The following SLC44A3 variants were observed in gnomAD, a reference collection of about 807,000 sequenced individuals.
SLC44A3 encodes choline transporter-like protein 3.
Under a neutral mutation model 75.4 loss-of-function variants are expected in SLC44A3, and 74 were observed. That is an observed-to-expected ratio of 0.98 (90% CI 0.81 to 1.19). The LOEUF is 1.19. SLC44A3 is among the 50% of genes most tolerant of loss of function. The pLI, the probability that SLC44A3 is intolerant of heterozygous loss-of-function variation, is 0.00. For missense variants in SLC44A3, 700 were observed against 778.6 expected (o/e 0.90, Z 1.20); for synonymous variants, 310 against 296.9 (o/e 1.04, Z -0.45).
chr1:94,820,701 G>T (rs1210784397), intron 1 of SLC44A3: 3 of 1,382,858 alleles, frequency 2.2e-6, no homozygotes, highest in Non-Finnish European at 2.8e-6. Flanking sequence ...CAAACTTGGG[G>T]TCGTCCTCAG....
At chr1:94,871,048 T>C (rs1413216646) in intron 12 of SLC44A3, among the ~76,000 whole-genome samples, 1 of 152,152 alleles carries the variant, frequency 6.6e-6, no homozygotes, top group Non-Finnish European at 1.5e-5. Flanking sequence ...AGGAGGCACA[T>C]AGTGGCAGAA....
At chr1:94,891,411 A>C (rs1670193575) in intron 13 of SLC44A3, 144 bp downstream of exon 13, 3 of 878,696 alleles carry the variant, frequency 3.4e-6, no homozygotes, top group East Asian at 2.5e-5. Flanking sequence ...CCTCAATCCC[A>C]TGAGGTATCC....
intron 9 of SLC44A3, among the ~76,000 whole-genome samples, chr1:94,846,972 T>C (rs890486863): frequency 1.3e-5 from 2 of 152,244 alleles, no homozygotes; most frequent in African/African-American, 4.8e-5. Flanking sequence ...CTGGAAGGCA[T>C]GGCCCTTGGA....
At position 94,821,489 on chromosome 1, in the gene SLC44A3, A is replaced by G. The variant is rs116941232; in HGVS notation, c.135+433A>G. Among the ~76,000 whole-genome samples the G allele has an allele frequency of 6.5e-4, 99 of 152,268 alleles. No individual in the cohort carries two copies. The East Asian group carries it at 8.1e-3, about 12-fold the overall frequency. ...TCCTTTAGCTGAACATCACACACAC[A>G]CGCGCGCGAGAGATATGTTGTGTTT... On this transcript the variant is annotated intron_variant, in intron 2 of 14. Coordinates refer to ENST00000271227, the MANE Select transcript of SLC44A3 (RefSeq NM_001114106.3).
rs759055942 is a variant in SLC44A3 at position 94,888,906 on chromosome 1, T to C, written c.1483-2224T>C. Reference sequence around the variant, plus strand: ...CACCACGACTGGCTATATATATATATATATACACATATATATGTATATTTT... The same window carrying C: ...CACCACGACTGGCTATATATATATACATATACACATATATATGTATATTTT... On this transcript the variant is annotated intron_variant, in intron 12 of 14. Coordinates refer to ENST00000271227, the MANE Select transcript of SLC44A3 (RefSeq NM_001114106.3). 5.1e-3 allele frequency among the ~76,000 whole-genome samples: 771 copies of C among 151,428 alleles called. 3 individuals carry two copies. The highest frequency in any genetic ancestry group is 7.6e-3 in the Non-Finnish European group (518 of 67,906).
chr1:94,845,457 A>G lies in SLC44A3; in HGVS notation c.1065A>G (p.Gly355=). Residue 355 remains glycine, a synonymous_variant, in exon 9 of 15, where the codon GGA becomes GGG. Transcript: ENST00000271227. Reference sequence around the variant, plus strand: ...GGGTGGCTGTGCTGCTGAGCCTGGGAACTGCAGGTAAGGGACAGTGGGTGT... The same window carrying G: ...GGGTGGCTGTGCTGCTGAGCCTGGGGACTGCAGGTAAGGGACAGTGGGTGT... ...VLWVAVLLSL[G]TAGAAQVMEG... The G allele has an allele frequency of 6.2e-7, 1 of 1,609,840 alleles. No homozygotes were observed.
At chr1:94,833,633 C>G (rs1478135018) in intron 5 of SLC44A3, among the ~76,000 whole-genome samples, 5 of 152,162 alleles carry the variant, frequency 3.3e-5, no homozygotes, top group Non-Finnish European at 7.3e-5. Flanking sequence ...AGCCGCTCAC[C>G]CTCCAGATTT....
At position 94,824,571 on chromosome 1, in the gene SLC44A3, T is replaced by C. The variant is rs1163708781; in HGVS notation, c.214T>C (p.Cys72Arg). 8.1e-6 allele frequency: 13 copies of C among 1,612,854 alleles called. No homozygotes were observed. Among genetic ancestry groups the C allele is most frequent in the Non-Finnish European group, 1.1e-5 (13 of 1,179,744 alleles). ...TGGCTATGACAGCTTTGGCAACATG[T>C]GTGGCAAGAAGAACTCCCCCGTGGA... ...LFGYDSFGNMCGKKNSPVEGA... is the reference protein window; with the variant it reads ...LFGYDSFGNMRGKKNSPVEGA... The change falls in exon 3 of 15, where the codon TGT (cysteine) becomes CGT (arginine). Residue 72 changes from cysteine to arginine, a missense_variant. Physicochemically the swap from Cys to Arg is radical, Grantham distance 180. Transcript: ENST00000271227.
intron 8 of SLC44A3, among the ~76,000 whole-genome samples, chr1:94,844,167 A>AG: frequency 6.6e-6 from 1 of 152,330 alleles, no homozygotes; most frequent in Middle Eastern, 3.4e-3. Flanking sequence ...TAAGTGTGGA[A>AG]TAAAATGGGA....
intron 12 of SLC44A3, among the ~76,000 whole-genome samples, chr1:94,870,916 G>A (rs7537663): frequency 0.28 from 42,904 of 152,060 alleles, 6,292 homozygotes; most frequent in Admixed American, 0.33. Context: ...CCTGACCTCA[G>A]GTGATTTACC....
At chr1:94,889,082 C>T (rs1322922062) in intron 12 of SLC44A3, 1 of 152,038 alleles carries the variant, frequency 6.6e-6, no homozygotes, top group Non-Finnish European at 1.5e-5. Context: ...CTTTAAGAAC[C>T]AAACATTCTT....
At position 94,871,796 on chromosome 1, in the gene SLC44A3, A is replaced by C. The variant is rs56288702; in HGVS notation, c.1482+4379A>C. Among the ~76,000 whole-genome samples, 946 of 152,346 alleles carry C rather than the reference A, an allele frequency of 6.2e-3. 14 individuals are homozygous for C. The highest frequency in any genetic ancestry group is 0.021 in the African/African-American group (889 of 41,570). ...TGCATACAACAAGGAGCTGTTTGCC[A>C]ATCAATAAAGTAAAGCGTGTGTTAT... On this transcript the variant is annotated intron_variant, in intron 12 of 14. Transcript: ENST00000271227.
Position 94,832,795 on chromosome 1 carries a change from G to A in SLC44A3, c.509+4209G>A, listed in dbSNP as rs1384960610. ...TCAAGACCAGCCTGGACAACATAAC[G>A]AGACCATGTCTCTACAAAAATTTAA... On this transcript the variant is annotated intron_variant, in intron 5 of 14. Transcript: ENST00000271227. Among the ~76,000 whole-genome samples the A allele has an allele frequency of 4.6e-5, 7 of 152,236 alleles. No individual in the cohort carries two copies. In the East Asian group the frequency reaches 7.7e-4, roughly 17 times the overall value.
chr1:94,891,030 G>C, intron 12 of SLC44A3, 100 bp from the exon 13 acceptor site: 1 of 1,012,432 alleles, frequency 9.9e-7, no homozygotes, highest in Non-Finnish European at 1.4e-6. Context: ...GAGAGAGTAG[G>C]TTTATTGTAA....
At chr1:94,830,969 A>G (rs1662046506) in intron 5 of SLC44A3, among the ~76,000 whole-genome samples, 1 of 152,190 alleles carries the variant, frequency 6.6e-6, no homozygotes, top group African/African-American at 2.4e-5. Flanking sequence ...CTATCTTACA[A>G]CTGAGAAAAC....
chr1:94,851,110 A>T (rs568319100), intron 9 of SLC44A3, among the ~76,000 whole-genome samples: 1 of 151,204 alleles, frequency 6.6e-6, no homozygotes, highest in Non-Finnish European at 1.5e-5. Flanking sequence ...TCCCCTGCCC[A>T]ACTCTCACCC....
rs145584562 is a variant in SLC44A3, at chr1:94,894,978, GA to G, written c.*58del. 15,112 of 1,387,212 alleles carry G rather than the reference GA, an allele frequency of 0.011. 454 individuals carry two copies. Among genetic ancestry groups the G allele is most frequent in the African/African-American group, 0.086 (5,880 of 68,528 alleles). 85.9% of individuals were successfully genotyped at this position (1,387,212 alleles called of 1,614,324 possible). On this transcript the variant is annotated 3_prime_UTR_variant, in exon 15 of 15. Coordinates refer to ENST00000271227, the MANE Select transcript of SLC44A3 (RefSeq NM_001114106.3). Reference sequence around the variant, plus strand: ...CATTTCCTTCTAAGAGCCATTTACAGAATAGAAGATGAGACCACTAGAGAAA... The same window carrying G: ...CATTTCCTTCTAAGAGCCATTTACAGATAGAAGATGAGACCACTAGAGAAA...
At chr1:94,880,886 A>T (rs1232214455) in intron 12 of SLC44A3, among the ~76,000 whole-genome samples, 1 of 127,576 alleles carries the variant, frequency 7.8e-6, no homozygotes, top group Non-Finnish European at 1.6e-5. Context: ...TGAATGTTCT[A>T]CATTTTTTTT....
intron 8 of SLC44A3, chr1:94,843,445 C>T (rs1362380273): frequency 6.6e-6 from 1 of 152,214 alleles, no homozygotes; most frequent in African/African-American, 2.4e-5. Context: ...TGAAGGGTCT[C>T]CTCTGGGTGT....
Sources: allele counts gnomAD v4.1 joint callset (sites outside exome capture counted in the v4.1 genomes callset), GRCh38; gene constraint gnomAD v4.1.1; transcripts MANE v1.5; gene names NCBI Gene and HGNC (gene_info 2026-07-23, HGNC 2026-07-21).